RPRD1A: variants seen among roughly 807,000 people sequenced by gnomAD.
The protein encoded by RPRD1A is regulation of nuclear pre-mRNA domain-containing protein 1A.
A neutral mutation model predicts 37.8 loss-of-function variants in RPRD1A; 9 were observed. That is an observed-to-expected ratio of 0.24 (90% CI 0.14 to 0.42). The LOEUF is 0.42. Among genes scored for constraint, RPRD1A ranks in the 10% least tolerant of loss-of-function variants. The pLI is 1.00. For synonymous variants in RPRD1A, 138 were observed against 139.7 expected (o/e 0.99, Z 0.08); for missense variants, 255 against 371.0 (o/e 0.69, Z 2.57).
At chr18:36,035,418 A>G (rs1912118885) in intron 1 of RPRD1A, among the ~76,000 whole-genome samples, 1 of 152,178 alleles carries the variant, frequency 6.6e-6, no homozygotes, top group Non-Finnish European at 1.5e-5. Flanking sequence ...AGCTGAACAA[A>G]CAAAGCCAAA....
chr18:36,026,828 T>A (rs192498352), intron 6 of RPRD1A, 72 bp downstream of exon 6: 1 of 1,425,264 alleles, frequency 7.0e-7, no homozygotes, highest in Non-Finnish European at 9.5e-7. Context: ...GCACATAGAT[T>A]AAAATATTTT....
intron 1 of RPRD1A, chr18:36,053,062 A>T (rs968263199): frequency 1.3e-5 from 2 of 152,190 alleles, no homozygotes; most frequent in African/African-American, 4.8e-5. Flanking sequence ...TGCAGAGAGG[A>T]GTTGTCATGA....
At chr18:36,015,161 T>C (rs9950565) in intron 6 of RPRD1A, among the ~76,000 whole-genome samples, 3,923 of 102,094 alleles carry the variant, frequency 0.038, 165 homozygotes, top group African/African-American at 0.13. Flanking sequence ...CACACACATA[T>C]ATACACATAT....
rs113006943 is a variant in RPRD1A at position 36,067,523 on chromosome 18, G to A, written c.-119C>T. On this transcript the variant is annotated 5_prime_UTR_variant, in exon 1 of 7. Coordinates refer to ENST00000399022, the MANE Select transcript of RPRD1A (RefSeq NM_018170.5). ...CCTTCCCCACGCTCTCACCACGGCC[G>A]CCGCTTCATCCAAGACCGGCCGCAA... The A allele has an allele frequency of 1.2e-5, 13 of 1,101,506 alleles. No individual in the cohort carries two copies. Among genetic ancestry groups the A allele is most frequent in the Middle Eastern group, 2.1e-4 (1 of 4,780 alleles). The allele number at this position is 1,101,506 out of a possible 1,614,324, so 68.2% of individuals were successfully genotyped here. A position where few individuals can be genotyped will look rare whatever the true frequency, so the allele number is the denominator to read the frequency against.
intron 6 of RPRD1A, among the ~76,000 whole-genome samples, chr18:36,012,404 TA>T (rs761168667): frequency 5.3e-5 from 8 of 152,190 alleles, no homozygotes; most frequent in Non-Finnish European, 1.2e-4. Context: ...AAGTTAACTG[TA>T]AAATGGCCTC....
chr18:36,038,101 G>A (rs903246016), intron 1 of RPRD1A, among the ~76,000 whole-genome samples: 10 of 152,222 alleles, frequency 6.6e-5, no homozygotes, highest in African/African-American at 2.4e-4. Context: ...TTTCTGAAGA[G>A]AAATTCAGGT....
In RPRD1A at chr18:36,048,667, C is replaced by A. The variant is rs190965014; in HGVS notation, c.152-14830G>T. ...CTAAAAAAAAAAAAGAAAAAAAAAA[C>A]CTACAGCTAACATTACATCTAATGG... On this transcript the variant is annotated intron_variant, in intron 1 of 6. Transcript: ENST00000399022. 5.7e-4 allele frequency among the ~76,000 whole-genome samples: 85 copies of A among 149,716 alleles called. 1 individual carries two copies. In the East Asian group the frequency reaches 0.016, roughly 28 times the overall value.
At chr18:36,027,833 T>C (rs1316144211) in intron 4 of RPRD1A, 1 of 152,670 alleles carries the variant, frequency 6.6e-6, no homozygotes, top group African/African-American at 2.4e-5. Context: ...AGAAATGTAG[T>C]TCTAGAATAT....
rs761531417 is a variant in RPRD1A at position 36,067,405 on chromosome 18, C to A, written c.-1G>T. 6.2e-7 allele frequency: 1 copy of A among 1,605,250 alleles called. No homozygotes were observed. The highest frequency in any genetic ancestry group is 2.3e-5 in the East Asian group (1 of 44,444). On this transcript the variant is annotated 5_prime_UTR_variant, in exon 1 of 7. Coordinates refer to ENST00000399022, the MANE Select transcript of RPRD1A (RefSeq NM_018170.5). Reference sequence around the variant, plus strand: ...GCGCCGCCTCAGAGAAGGCTGACATCCCTCCGACACCACGTTCACGCCGTC... The same window carrying A: ...GCGCCGCCTCAGAGAAGGCTGACATACCTCCGACACCACGTTCACGCCGTC...
Position 36,053,359 on chromosome 18 carries a change from C to T in RPRD1A, c.151+13895G>A, listed in dbSNP as rs72884940. On this transcript the variant is annotated intron_variant, in intron 1 of 6. Coordinates refer to ENST00000399022, the MANE Select transcript of RPRD1A (RefSeq NM_018170.5). ...CCATTCCTCTCTTCACTGTAGCCCC[C>T]GGAGTATTATGGATTTACCTATTCT... is the stretch of plus-strand genomic sequence containing the variant. 9.9e-3 allele frequency among the ~76,000 whole-genome samples: 1,501 copies of T among 152,126 alleles called. 23 individuals carry two copies. The highest frequency in any genetic ancestry group is 0.034 in the African/African-American group (1,419 of 41,502).
intron 6 of RPRD1A, among the ~76,000 whole-genome samples, chr18:36,001,947 C>A (rs1323903148): frequency 6.6e-6 from 1 of 152,012 alleles, no homozygotes; most frequent in Non-Finnish European, 1.5e-5. Context: ...CACTTATCTT[C>A]TTGCTTGCAT....
chr18:36,066,843 T>G lies in RPRD1A; in HGVS notation c.151+411A>C, dbSNP rs2089040774. Among the ~76,000 whole-genome samples the G allele has an allele frequency of 2.0e-5, 3 of 152,220 alleles. No individual in the cohort carries two copies. In the South Asian group the frequency reaches 6.2e-4, roughly 32 times the overall value. On this transcript the variant is annotated intron_variant, in intron 1 of 6. Coordinates refer to ENST00000399022, the MANE Select transcript of RPRD1A (RefSeq NM_018170.5). ...CTCTATTAATTTCACAAGAATAAGT[T>G]GCTGCGTTACAGAAATGACGGAAGT...
At chr18:36,020,777 G>C (rs1235791623) in intron 6 of RPRD1A, among the ~76,000 whole-genome samples, 1 of 151,706 alleles carries the variant, frequency 6.6e-6, no homozygotes, top group African/African-American at 2.4e-5. Flanking sequence ...TCTTGCCACT[G>C]TACTCCAGTG....
intron 1 of RPRD1A, among the ~76,000 whole-genome samples, chr18:36,044,635 C>G (rs1204541306): frequency 6.6e-6 from 1 of 151,778 alleles, no homozygotes; most frequent in East Asian, 1.9e-4. Context: ...TTACAGTGAG[C>G]CAAGATGACA....
chr18:36,030,042 A>G (rs1037790791), intron 4 of RPRD1A, among the ~76,000 whole-genome samples: 8 of 151,346 alleles, frequency 5.3e-5, no homozygotes, highest in South Asian at 2.1e-4. Flanking sequence ...TCCTGACCTC[A>G]TGATCCGACC....
Position 35,993,174 on chromosome 18 carries a change from C to G in RPRD1A, c.916G>C (p.Gly306Arg). Reference protein sequence around the residue: ...TGSHMHLPFAGDIYSED With the variant: ...TGSHMHLPFARDIYSED The stretch of plus-strand genomic sequence containing the variant: ...CATCAATCTTCACTGTAGATGTCTC[C>G]CGCAAAGGGCAGGTGCATGTGGCTG... Residue 306 changes from glycine to arginine, a missense_variant, in exon 7 of 7, where the codon GGA becomes CGA. Coordinates refer to ENST00000399022, the MANE Select transcript of RPRD1A (RefSeq NM_018170.5). 1.9e-6 allele frequency: 3 copies of G among 1,614,110 alleles called. No individual in the cohort carries two copies. Among genetic ancestry groups the G allele is most frequent in the Non-Finnish European group, 1.7e-6 (2 of 1,180,006 alleles).
At chr18:36,001,232 T>C (rs905251967) in intron 6 of RPRD1A, among the ~76,000 whole-genome samples, 1 of 152,100 alleles carries the variant, frequency 6.6e-6, no homozygotes, top group Admixed American at 6.5e-5. Flanking sequence ...CTAATAATGA[T>C]GTTTTGACCT....
chr18:36,017,642 G>A (rs145478696), intron 6 of RPRD1A, among the ~76,000 whole-genome samples: 5 of 152,330 alleles, frequency 3.3e-5, no homozygotes, highest in African/African-American at 1.2e-4. Flanking sequence ...TCAAGAAAGC[G>A]TAACTGCCTA....
At chr18:36,030,508 T>C (rs781208694) in intron 4 of RPRD1A, among the ~76,000 whole-genome samples, 51 of 151,792 alleles carry the variant, frequency 3.4e-4, no homozygotes, top group Middle Eastern at 6.8e-3. Flanking sequence ...CATAACAAAA[T>C]AGGCATGTTT....
Sources: allele counts gnomAD v4.1 joint callset (sites outside exome capture counted in the v4.1 genomes callset), GRCh38; gene constraint gnomAD v4.1.1; transcripts MANE v1.5; gene names NCBI Gene and HGNC (gene_info 2026-07-23, HGNC 2026-07-21).